The following ASTN2 variants were observed in gnomAD, a reference collection of about 807,000 sequenced individuals.
ASTN2 encodes the protein astrotactin-2.
In ASTN2, 54 loss-of-function variants were observed where a neutral mutation model predicts 139.8. The ratio of observed to expected loss-of-function variants is 0.39; its 90% CI spans 0.31 to 0.48. The LOEUF is 0.48. Ranked by LOEUF, ASTN2 falls within the 20% of genes least tolerant of loss-of-function variation. ASTN2 has a pLI of 0.95. For synonymous variants in ASTN2, 756 were observed against 719.5 expected (o/e 1.05, Z -0.81); for missense variants, 1,565 against 1,725.1 (o/e 0.91, Z 1.64).
In ASTN2 at chr9:116,426,061, C is replaced by T; in HGVS notation, c.3810G>A (p.Leu1270=). 1.2e-6 allele frequency: 2 copies of T among 1,613,720 alleles called. No individual in the cohort carries two copies. The highest frequency in any genetic ancestry group is 1.7e-6 in the Non-Finnish European group (2 of 1,180,016). ...TGGAGCAGTGGCTACTCACCCTCTCCAGTCGCCGTAGAATCAGGTGGGCCT... is the reference window on the plus strand; with the variant it reads ...TGGAGCAGTGGCTACTCACCCTCTCTAGTCGCCGTAGAATCAGGTGGGCCT... ...PRKAHLILRR[L]ERVSSHCSSL... Residue 1270 remains leucine, a synonymous_variant, in exon 23 of 23, where the codon CTG becomes CTA. Transcript: ENST00000313400.
At chr9:117,081,637 T>C (rs1384231003) in intron 5 of ASTN2, among the ~76,000 whole-genome samples, 1 of 152,140 alleles carries the variant, frequency 6.6e-6, no homozygotes, top group Non-Finnish European at 1.5e-5. Flanking sequence ...CAGAAAGAAG[T>C]TCATCTTGGG....
At chr9:116,437,670 A>C in intron 22 of ASTN2, 2 of 458,704 alleles carry the variant, frequency 4.4e-6, no homozygotes, top group Non-Finnish European at 8.9e-6. Flanking sequence ...AAGCCCAAAA[A>C]ACTGGAATGC....
rs542631909 is a variant in ASTN2, at chr9:116,946,532, G to A, written c.1889+28676C>T. On this transcript the variant is annotated intron_variant, in intron 10 of 22. Transcript: ENST00000313400. ...AATTCCTTAGCTGTACAACTTTCTC[G>A]AAATCTAATAATGATCACTGAGTGT... Among the ~76,000 whole-genome samples, 15 of 152,096 alleles carry A rather than the reference G, an allele frequency of 9.9e-5. No individual in the cohort carries two copies. In the South Asian group the frequency reaches 1.7e-3, roughly 17 times the overall value.
chr9:116,778,894 T>G (rs1830150560), intron 13 of ASTN2, among the ~76,000 whole-genome samples: 1 of 152,098 alleles, frequency 6.6e-6, no homozygotes, highest in Admixed American at 6.5e-5. Flanking sequence ...GAGTGTAGGC[T>G]CCTCTTGAGA....
chr9:116,884,538 G>A (rs1833539244), intron 10 of ASTN2, among the ~76,000 whole-genome samples: 2 of 151,948 alleles, frequency 1.3e-5, no homozygotes, highest in South Asian at 4.2e-4. Context: ...CCAGCCCATG[G>A]TATTCCTCTT....
At chr9:117,092,232 C>G (rs1477328884) in intron 5 of ASTN2, among the ~76,000 whole-genome samples, 2 of 152,156 alleles carry the variant, frequency 1.3e-5, no homozygotes, top group Non-Finnish European at 1.5e-5. Context: ...TCTCCCAAAG[C>G]TGGGATAATC....
At chr9:116,894,953 T>C (rs1302636623) in intron 10 of ASTN2, among the ~76,000 whole-genome samples, 1 of 152,224 alleles carries the variant, frequency 6.6e-6, no homozygotes, top group East Asian at 1.9e-4. Context: ...TATTTATTTA[T>C]TGCAAAGGCA....
chr9:117,027,455 C>T (rs1011984699), intron 6 of ASTN2, among the ~76,000 whole-genome samples: 1 of 152,166 alleles, frequency 6.6e-6, no homozygotes, highest in Non-Finnish European at 1.5e-5. Context: ...TTCATGCCCC[C>T]ATGGAGCCCC....
chr9:116,982,561 A>T (rs1008837803), intron 7 of ASTN2, among the ~76,000 whole-genome samples: 26 of 144,100 alleles, frequency 1.8e-4, no homozygotes, highest in Admixed American at 7.0e-4. Flanking sequence ...TTTTTTTTTT[A>T]AATTATCATT....
chr9:116,962,473 C>T (rs1302977385), intron 10 of ASTN2, among the ~76,000 whole-genome samples: 1 of 152,198 alleles, frequency 6.6e-6, no homozygotes, highest in Non-Finnish European at 1.5e-5. Flanking sequence ...CCATGATGGA[C>T]TCATCTGGTA....
chr9:116,641,830 G>A (rs1298988318), intron 17 of ASTN2, among the ~76,000 whole-genome samples: 1 of 151,968 alleles, frequency 6.6e-6, no homozygotes, highest in Non-Finnish European at 1.5e-5. Context: ...GTAATATGTG[G>A]ATTACTTCTC....
chr9:117,236,367 A>G (rs1165549591), intron 2 of ASTN2, among the ~76,000 whole-genome samples: 8 of 152,194 alleles, frequency 5.3e-5, no homozygotes, highest in Non-Finnish European at 2.9e-5. Flanking sequence ...CAAAGGCTTC[A>G]TCCCTGGGCC....
chr9:117,255,767 G>A (rs888984314), intron 2 of ASTN2, among the ~76,000 whole-genome samples: 4 of 152,174 alleles, frequency 2.6e-5, no homozygotes, highest in Non-Finnish European at 5.9e-5. Context: ...TATTGCAAGC[G>A]ATGCAGAACA....
At chr9:116,773,896 C>T (rs896216838) in intron 13 of ASTN2, among the ~76,000 whole-genome samples, 1 of 152,122 alleles carries the variant, frequency 6.6e-6, no homozygotes, top group Non-Finnish European at 1.5e-5. Flanking sequence ...ATACATTGTT[C>T]CCAAATTAGC....
chr9:117,049,478 A>T (rs937335444), intron 5 of ASTN2, among the ~76,000 whole-genome samples: 10 of 152,214 alleles, frequency 6.6e-5, no homozygotes, highest in Admixed American at 5.2e-4. Flanking sequence ...TAGTTTAATA[A>T]TTTATACAAA....
chr9:117,142,036 A>G (rs757561344), intron 3 of ASTN2, among the ~76,000 whole-genome samples: 8 of 152,158 alleles, frequency 5.3e-5, no homozygotes, highest in Non-Finnish European at 1.0e-4. Flanking sequence ...ATGGAAGGAG[A>G]AGCATGTGTG....
At chr9:116,726,968 T>A (rs1370560999) in intron 15 of ASTN2, among the ~76,000 whole-genome samples, 1 of 151,782 alleles carries the variant, frequency 6.6e-6, no homozygotes, top group Non-Finnish European at 1.5e-5. Context: ...GAATGTGACC[T>A]GAAATTTCTA....
chr9:116,477,854 CAAA>C (rs869106846), intron 20 of ASTN2, among the ~76,000 whole-genome samples: 1 of 17,624 alleles, frequency 5.7e-5, no homozygotes, highest in African/African-American at 2.9e-4. Flanking sequence ...GATCCCTAAT[CAAA>C]AAAGAAAAAA....
intron 3 of ASTN2, among the ~76,000 whole-genome samples, chr9:117,203,016 G>A (rs1026561144): frequency 6.6e-6 from 1 of 151,926 alleles, no homozygotes; most frequent in East Asian, 1.9e-4. Context: ...CACATTTCGT[G>A]CAGGCTTTGT....
Sources: gnomAD v4.1 joint callset for allele counts (sites outside exome capture counted in the v4.1 genomes callset) on GRCh38, gnomAD v4.1.1 for gene constraint, MANE v1.5 for transcripts, NCBI Gene and HGNC (gene_info 2026-07-23, HGNC 2026-07-21) for gene names.